AGBL1: variants seen among roughly 807,000 people sequenced by gnomAD.
AGBL1 encodes AGBL carboxypeptidase 1.
Under a neutral mutation model 118.9 loss-of-function variants are expected in AGBL1, and 130 were observed. The ratio of observed to expected loss-of-function variants is 1.09; its 90% confidence interval spans 0.95 to 1.26. The LOEUF (loss-of-function observed/expected upper bound fraction) is 1.26, where lower values mean the gene tolerates loss of function less well. AGBL1 is among the 50% of genes most tolerant of loss of function. AGBL1 has a pLI of 0.00. For missense variants in AGBL1, 1,584 were observed against 1,298.1 expected (o/e 1.22, Z -3.38); for synonymous variants, 555 against 478.9 (o/e 1.16, Z -2.08).
At chr15:86,818,684 T>C (rs1260546320) in intron 22 of AGBL1, among the ~76,000 whole-genome samples, 1 of 152,102 alleles carries the variant, frequency 6.6e-6, no homozygotes, top group African/African-American at 2.4e-5. Context: ...TGGATGGTGA[T>C]AGTGGGAGTT....
chr15:86,965,452 C>T lies in AGBL1; in HGVS notation c.3222-22535C>T, dbSNP rs190541204. On this transcript the variant is annotated intron_variant, in intron 23 of 24. Transcript: ENST00000441037. ...GTCTTCTTTTGAGAAGTTATCTGTTCATATCCTTTGCCCACTTTTTGATGG... is the reference window on the plus strand; with the variant it reads ...GTCTTCTTTTGAGAAGTTATCTGTTTATATCCTTTGCCCACTTTTTGATGG... Among the ~76,000 whole-genome samples, 623 of 152,104 alleles carry T rather than the reference C, an allele frequency of 4.1e-3. 10 individuals are homozygous for T. The highest frequency in any genetic ancestry group is 0.014 in the African/African-American group (589 of 41,520).
In AGBL1 at chr15:86,522,683, C is replaced by A. The variant is rs908859193; in HGVS notation, c.2556-127C>A. On this transcript the variant is annotated intron_variant, in intron 18 of 22. Transcript: ENST00000614907. ...GCTTTCTAGACATCTGAAATTGATG[C>A]CAATTGGGAAGAAATCAGAGGAAAG... is the stretch of plus-strand genomic sequence containing the variant. 11 of 1,194,036 alleles carry A rather than the reference C, an allele frequency of 9.2e-6. No homozygotes were observed. In the African/African-American group the frequency reaches 1.7e-4, roughly 18 times the overall value. The allele number at this position is 1,194,036 out of a possible 1,614,324, so 74.0% of individuals were successfully genotyped here.
At chr15:86,924,090 A>G (rs923239016) in intron 23 of AGBL1, among the ~76,000 whole-genome samples, 1 of 152,240 alleles carries the variant, frequency 6.6e-6, no homozygotes, top group Admixed American at 6.5e-5. Flanking sequence ...TTTAAATGGA[A>G]AGCCTAGATA....
At position 87,002,210 on chromosome 15, in the gene AGBL1, T is replaced by C. The variant is rs192481742; in HGVS notation, c.3323+14122T>C. 1.8e-4 allele frequency among the ~76,000 whole-genome samples: 27 copies of C among 152,240 alleles called. No homozygotes were observed. The East Asian group carries it at 4.8e-3, about 27-fold the overall frequency. ...CTTTCTACAGATGGCTAGCCAGTTT[T>C]CCCAGCACCATTTATTAAATAGGGA... is the stretch of plus-strand genomic sequence containing the variant. On this transcript the variant is annotated intron_variant, in intron 24 of 24. Transcript: ENST00000441037.
intron 24 of AGBL1, among the ~76,000 whole-genome samples, chr15:86,995,794 T>G (rs540581589): frequency 3.9e-4 from 59 of 152,354 alleles, no homozygotes; most frequent in African/African-American, 1.2e-3. Flanking sequence ...CAAGGGTGAA[T>G]TGCCTCAAAT....
intron 5 of AGBL1, among the ~76,000 whole-genome samples, chr15:86,178,575 G>A (rs1220732350): frequency 6.6e-6 from 1 of 152,182 alleles, no homozygotes; most frequent in Non-Finnish European, 1.5e-5. Flanking sequence ...TTTGGTAATT[G>A]AATTGAATGT....
At chr15:86,184,236 C>T (rs1597507573) in intron 5 of AGBL1, among the ~76,000 whole-genome samples, 1 of 152,118 alleles carries the variant, frequency 6.6e-6, no homozygotes, top group East Asian at 1.9e-4. Flanking sequence ...CAAGTAGCAT[C>T]CTAGTAGTAG....
intron 21 of AGBL1, among the ~76,000 whole-genome samples, chr15:86,622,353 G>A (rs1317262260): frequency 6.6e-6 from 1 of 150,592 alleles, no homozygotes; most frequent in African/African-American, 2.4e-5. Flanking sequence ...AAAGGGGGTA[G>A]GGGGTCCACA....
At chr15:86,391,133 A>G (rs1420912215) in intron 17 of AGBL1, among the ~76,000 whole-genome samples, 1 of 152,066 alleles carries the variant, frequency 6.6e-6, no homozygotes, top group Non-Finnish European at 1.5e-5. Flanking sequence ...TTTTATCATG[A>G]TCATTTGATT....
At chr15:86,356,111 A>G (rs1272896392) in intron 17 of AGBL1, among the ~76,000 whole-genome samples, 1 of 152,136 alleles carries the variant, frequency 6.6e-6, no homozygotes, top group Non-Finnish European at 1.5e-5. Flanking sequence ...ATTTATGGTA[A>G]GCAAGAGCTG....
intron 21 of AGBL1, among the ~76,000 whole-genome samples, chr15:86,633,278 G>A (rs1285872812): frequency 1.3e-5 from 2 of 152,064 alleles, no homozygotes; most frequent in Non-Finnish European, 1.5e-5. Context: ...TTGCACACAC[G>A]TTAATTATTA....
At chr15:86,876,800 G>C (rs2079816444) in intron 22 of AGBL1, among the ~76,000 whole-genome samples, 1 of 152,134 alleles carries the variant, frequency 6.6e-6, no homozygotes, top group South Asian at 2.1e-4. Context: ...GCAGAATGTA[G>C]TTGGCTGAGC....
At chr15:86,350,413 A>G (rs750724105) in intron 17 of AGBL1, among the ~76,000 whole-genome samples, 1 of 152,218 alleles carries the variant, frequency 6.6e-6, no homozygotes, top group Non-Finnish European at 1.5e-5. Context: ...AAGAAAGGTG[A>G]TGAGCCCATG....
chr15:86,461,402 T>C (rs907497199), intron 18 of AGBL1, among the ~76,000 whole-genome samples: 3 of 152,174 alleles, frequency 2.0e-5, no homozygotes, highest in African/African-American at 7.2e-5. Flanking sequence ...TGAGCCCCTT[T>C]TATGCCTAGC....
Position 86,487,568 on chromosome 15 carries a change from CTT to C in AGBL1, c.2556-35231_2556-35230del, listed in dbSNP as rs35027012. Among the ~76,000 whole-genome samples the C allele has an allele frequency of 9.8e-4, 145 of 148,476 alleles. 1 individual carries two copies. The South Asian group carries it at 0.02, about 20-fold the overall frequency. ...CTAAAAATTTGAAAAGGCCCCCTGA[CTT>C]TTTTTTTTTTAAAGGAAAGTAGCTT... is the stretch of plus-strand genomic sequence containing the variant. On this transcript the variant is annotated intron_variant, in intron 18 of 22. Coordinates refer to ENST00000614907, the MANE Select transcript of AGBL1 (RefSeq NM_001386094.1).
At chr15:86,244,950 T>C (rs1235053473) in intron 6 of AGBL1, among the ~76,000 whole-genome samples, 4 of 152,058 alleles carry the variant, frequency 2.6e-5, no homozygotes, top group Admixed American at 1.3e-4. Flanking sequence ...GGAAGTGAAA[T>C]ATTTTTGATA....
intron 21 of AGBL1, among the ~76,000 whole-genome samples, chr15:86,605,119 C>G (rs966633325): frequency 6.6e-6 from 1 of 151,926 alleles, no homozygotes; most frequent in Non-Finnish European, 1.5e-5. Context: ...ATGTGGTAGT[C>G]AAAACTGGTG....
At chr15:86,366,385 T>C (rs566912363) in intron 17 of AGBL1, among the ~76,000 whole-genome samples, 1 of 152,342 alleles carries the variant, frequency 6.6e-6, no homozygotes, top group South Asian at 2.1e-4. Flanking sequence ...ATTCATTTAA[T>C]GGTCATCATA....
At chr15:86,931,929 G>A (rs955766501) in intron 23 of AGBL1, among the ~76,000 whole-genome samples, 2 of 152,134 alleles carry the variant, frequency 1.3e-5, no homozygotes, top group Non-Finnish European at 2.9e-5. Flanking sequence ...AAAATCAAGT[G>A]TGATGCTATC....
Sources: allele counts gnomAD v4.1 joint callset (sites outside exome capture counted in the v4.1 genomes callset), GRCh38; gene constraint gnomAD v4.1.1; transcripts MANE v1.5; gene names NCBI Gene and HGNC (gene_info 2026-07-23, HGNC 2026-07-21).